The following CCDC178 variants were observed in gnomAD, a reference collection of about 807,000 sequenced individuals.
The protein encoded by CCDC178 is coiled-coil domain containing 178.
Under a neutral mutation model 117.4 loss-of-function variants are expected in CCDC178, and 126 were observed. The ratio of observed to expected loss-of-function variants is 1.07; its 90% CI spans 0.93 to 1.24. The LOEUF (loss-of-function observed/expected upper bound fraction) is 1.24, where lower values mean the gene tolerates loss of function less well. Ranked by LOEUF, CCDC178 falls within the 50% of genes most tolerant of loss-of-function variation. CCDC178 has a pLI of 0.00. For synonymous variants in CCDC178, 283 were observed against 313.4 expected, an observed-to-expected ratio of 0.90 and a Z score of 1.02; for missense variants, 1,030 against 986.9, an observed-to-expected ratio of 1.04 and a Z score of -0.59.
At chr18:33,218,281 C>G (rs1024162574) in intron 18 of CCDC178, among the ~76,000 whole-genome samples, 2 of 152,072 alleles carry the variant, frequency 1.3e-5, no homozygotes, top group African/African-American at 4.8e-5. Flanking sequence ...ATCCTTCACC[C>G]ACTTTTTGAT....
intron 21 of CCDC178, among the ~76,000 whole-genome samples, chr18:32,986,293 A>C (rs2055261404): frequency 6.6e-6 from 1 of 152,086 alleles, no homozygotes; most frequent in Admixed American, 6.6e-5. Context: ...ATTCCAGGTA[A>C]GTGAATGATC....
chr18:32,941,061 C>A (rs2054228698), intron 22 of CCDC178, among the ~76,000 whole-genome samples: 1 of 151,722 alleles, frequency 6.6e-6, no homozygotes, highest in South Asian at 2.1e-4. Context: ...CCTAATAGAA[C>A]TCCTGCAGTT....
chr18:33,007,395 C>G (rs2055773572), intron 21 of CCDC178, among the ~76,000 whole-genome samples: 1 of 152,038 alleles, frequency 6.6e-6, no homozygotes, highest in Non-Finnish European at 1.5e-5. Flanking sequence ...ACTTTTTTGA[C>G]TTAAAAAGCT....
At chr18:32,966,942 G>A (rs2054826166) in intron 22 of CCDC178, among the ~76,000 whole-genome samples, 1 of 151,644 alleles carries the variant, frequency 6.6e-6, no homozygotes, top group African/African-American at 2.4e-5. Flanking sequence ...TTAAATAACT[G>A]TCTTATTAAT....
intron 15 of CCDC178, among the ~76,000 whole-genome samples, chr18:33,242,960 T>C (rs1387001728): frequency 6.6e-6 from 1 of 151,886 alleles, no homozygotes. Flanking sequence ...CATGTTTTTT[T>C]TGTGGCACTA....
chr18:33,009,031 C>T (rs565562281), intron 21 of CCDC178, among the ~76,000 whole-genome samples: 1 of 152,036 alleles, frequency 6.6e-6, no homozygotes, highest in Admixed American at 6.6e-5. Context: ...GTTGTGTGGG[C>T]AAATCATCCT....
chr18:33,392,146 T>A (rs4553695), intron 4 of CCDC178, among the ~76,000 whole-genome samples: 2,768 of 152,218 alleles, frequency 0.018, 85 homozygotes, highest in African/African-American at 0.063. Flanking sequence ...ATTGCAGGCA[T>A]AAGCCACCAT....
intron 5 of CCDC178, among the ~76,000 whole-genome samples, chr18:33,376,321 C>A (rs938884719): frequency 6.6e-6 from 1 of 152,074 alleles, no homozygotes; most frequent in Admixed American, 6.5e-5. Context: ...CTTTTTTGCC[C>A]TGCTCATACC....
intron 5 of CCDC178, among the ~76,000 whole-genome samples, chr18:33,372,067 G>A (rs1431959822): frequency 6.6e-6 from 1 of 151,922 alleles, no homozygotes; most frequent in Non-Finnish European, 1.5e-5. Context: ...AACCTATTTT[G>A]TGAATACTAA....
intron 20 of CCDC178, among the ~76,000 whole-genome samples, chr18:33,141,654 A>G (rs541720248): frequency 1.8e-3 from 267 of 152,360 alleles, no homozygotes; most frequent in African/African-American, 6.3e-3. Flanking sequence ...AAACACAAAG[A>G]GGAAAGTTCC....
intron 21 of CCDC178, among the ~76,000 whole-genome samples, chr18:33,070,709 G>T (rs2144995425): frequency 6.6e-6 from 1 of 151,974 alleles, no homozygotes; most frequent in South Asian, 2.1e-4. Flanking sequence ...TTGAGGTGAT[G>T]GATATCTTAA....
chr18:33,416,960 G>C (rs1221824037), intron 2 of CCDC178, among the ~76,000 whole-genome samples: 1 of 152,080 alleles, frequency 6.6e-6, no homozygotes, highest in African/African-American at 2.4e-5. Flanking sequence ...ATGAAATGCT[G>C]GCAAGTATGT....
chr18:33,037,606 A>T (rs1191120672), intron 21 of CCDC178, among the ~76,000 whole-genome samples: 1 of 151,962 alleles, frequency 6.6e-6, no homozygotes, highest in East Asian at 1.9e-4. Context: ...AGTCCAGCCC[A>T]GGAATGTAGA....
intron 22 of CCDC178, among the ~76,000 whole-genome samples, chr18:32,959,116 T>C (rs2054653453): frequency 6.6e-6 from 1 of 152,186 alleles, no homozygotes; most frequent in East Asian, 1.9e-4. Context: ...TTATGTCTTA[T>C]ATTTGACTGG....
intron 20 of CCDC178, among the ~76,000 whole-genome samples, chr18:33,201,789 T>G (rs1400919994): frequency 6.6e-6 from 1 of 152,132 alleles, no homozygotes; most frequent in Non-Finnish European, 1.5e-5. Context: ...CTCCTTAAAT[T>G]TTCCAGTCTC....
chr18:33,299,051 C>T (rs2062142637), intron 11 of CCDC178, among the ~76,000 whole-genome samples: 1 of 151,990 alleles, frequency 6.6e-6, no homozygotes, highest in South Asian at 2.1e-4. Flanking sequence ...CCCAAAGCAA[C>T]CTACAATTTA....
At chr18:33,187,950 G>C (rs190388428) in intron 20 of CCDC178, among the ~76,000 whole-genome samples, 1 of 152,078 alleles carries the variant, frequency 6.6e-6, no homozygotes, top group Admixed American at 6.6e-5. Flanking sequence ...TGGGTAGTTC[G>C]ATACTCCCTT....
intron 22 of CCDC178, among the ~76,000 whole-genome samples, chr18:32,946,009 T>C (rs1214249148): frequency 6.6e-6 from 1 of 152,204 alleles, no homozygotes; most frequent in Non-Finnish European, 1.5e-5. Context: ...ACCATAAAGT[T>C]TGCTTCATTT....
At chr18:33,364,419 T>A (rs1028328361) in intron 6 of CCDC178, among the ~76,000 whole-genome samples, 29 of 152,024 alleles carry the variant, frequency 1.9e-4, no homozygotes, top group African/African-American at 6.8e-4. Context: ...AACTTTCAGA[T>A]GCTAAGTGGA....
Sources: gnomAD v4.1 joint callset for allele counts (sites outside exome capture counted in the v4.1 genomes callset) on GRCh38, gnomAD v4.1.1 for gene constraint, MANE v1.5 for transcripts, NCBI Gene and HGNC (gene_info 2026-07-23, HGNC 2026-07-21) for gene names.